METTL22: variants seen among roughly 807,000 people sequenced by gnomAD.
The protein encoded by METTL22 is methyltransferase 22, Kin17 lysine, also known as methyltransferase-like protein 22.
In METTL22, 51 loss-of-function variants were observed where a neutral mutation model predicts 48.4. The ratio of observed to expected loss-of-function variants is 1.05; its 90% CI spans 0.84 to 1.33. The LOEUF is 1.33. Among genes scored for constraint, METTL22 ranks in the 40% most tolerant of loss-of-function variants. METTL22 has a pLI of 0.00. For synonymous variants in METTL22, 255 were observed against 214.1 expected, an observed-to-expected ratio of 1.19 and a Z score of -1.67; for missense variants, 678 against 526.9, an observed-to-expected ratio of 1.29 and a Z score of -2.81.
chr16:8,631,652 G>A (rs1340488363), intron 3 of METTL22: 1 of 152,254 alleles, frequency 6.6e-6, no homozygotes, highest in Non-Finnish European at 1.5e-5. Context: ...GTTCCTGCAG[G>A]TCTAGAGACC....
Position 8,646,499 on chromosome 16 carries a change from T to G in METTL22, c.*356T>G, listed in dbSNP as rs2056803682. 2 of 528,916 alleles carry G rather than the reference T, an allele frequency of 3.8e-6. No individual in the cohort carries two copies. The highest frequency in any genetic ancestry group is 7.3e-6 in the Non-Finnish European group (2 of 274,620). 32.8% of individuals were successfully genotyped at this position (528,916 alleles called of 1,614,324 possible). On this transcript the variant is annotated 3_prime_UTR_variant, in exon 11 of 11. Transcript: ENST00000381920. ...GCCCTGGCTGTGAGGTGGATTCTTGTACTGCCCTCTGTCAGCTGTTTACAG... is the reference window on the plus strand; with the variant it reads ...GCCCTGGCTGTGAGGTGGATTCTTGGACTGCCCTCTGTCAGCTGTTTACAG...
Position 8,644,370 on chromosome 16 carries a change from C to T in METTL22, c.1011-187C>T, listed in dbSNP as rs746807233. 5.3e-6 allele frequency: 3 copies of T among 563,070 alleles called. No homozygotes were observed. In the Admixed American group the frequency reaches 9.1e-5, roughly 17 times the overall value. The allele number at this position is 563,070 out of a possible 1,614,324, so 34.9% of individuals were successfully genotyped here. ...ATCTGTAAAGTGCTATCCACTTCCA[C>T]CTCCTGGGCTGTCGTGCAGATGTAG... is the stretch of plus-strand genomic sequence containing the variant. On this transcript the variant is annotated intron_variant, in intron 9 of 10. Coordinates refer to ENST00000381920, the MANE Select transcript of METTL22 (RefSeq NM_024109.4).
chr16:8,651,348 C>G (rs1370117899), downstream of METTL22, among the ~76,000 whole-genome samples: 1 of 129,462 alleles, frequency 7.7e-6, no homozygotes, highest in Non-Finnish European at 1.6e-5. Flanking sequence ...GATCGAGCCA[C>G]TGCACTCCAG....
downstream of METTL22, among the ~76,000 whole-genome samples, chr16:8,653,737 C>G (rs1430155831): frequency 1.6e-5 from 2 of 126,912 alleles, no homozygotes; most frequent in Non-Finnish European, 3.3e-5. Context: ...ATAGTAAAGC[C>G]TTAATTAACT....
chr16:8,629,192 G>A lies in METTL22; in HGVS notation c.514+82G>A, dbSNP rs943336410. 31 of 1,519,488 alleles carry A rather than the reference G, an allele frequency of 2.0e-5. No individual in the cohort carries two copies. The Admixed American group carries it at 2.4e-4, about 12-fold the overall frequency. The allele number at this position is 1,519,488 out of a possible 1,614,324, so 94.1% of individuals were successfully genotyped here. A position where few individuals can be genotyped will look rare whatever the true frequency, so the allele number is the denominator to read the frequency against. On this transcript the variant is annotated intron_variant, in intron 3 of 10. Transcript: ENST00000381920. ...GCTCAGGGCTCAGTATGATCTGAGC[G>A]TGGACTCTGCAGGCCCAGGCAGCAC...
At chr16:8,659,138 C>A in the METTL22 span, among the ~76,000 whole-genome samples, 44 of 152,256 alleles carry the variant, frequency 2.9e-4, no homozygotes, top group East Asian at 6.8e-3. Flanking sequence ...CGAGACCAGC[C>A]TGGCCAACAT....
At position 8,635,250 on chromosome 16, in the gene METTL22, G is replaced by A; in HGVS notation, c.638G>A (p.Gly213Glu). 1 of 1,608,870 alleles carries A rather than the reference G, an allele frequency of 6.2e-7. No homozygotes were observed. Among genetic ancestry groups the A allele is most frequent in the African/African-American group, 1.3e-5 (1 of 74,972 alleles). ...LFRGCTALEL[G>E]AGTGLASIIA... ...CGAGGATGTACAGCGCTGGAGCTCGGGGCCGGCACGGGGCTCGCTAGCATC... is the reference window on the plus strand; with the variant it reads ...CGAGGATGTACAGCGCTGGAGCTCGAGGCCGGCACGGGGCTCGCTAGCATC... Residue 213 changes from glycine to glutamate, a missense_variant, in exon 5 of 11, where the codon GGG (glycine) becomes GAG (glutamate). Physicochemically the swap from Gly to Glu is moderately conservative, Grantham distance 98. Transcript: ENST00000381920.
chr16:8,642,645 T>C, intron 9 of METTL22, 80 bp downstream of exon 9: 1 of 1,285,422 alleles, frequency 7.8e-7, no homozygotes, highest in Non-Finnish European at 1.1e-6. Flanking sequence ...TCCTTGTCAG[T>C]GTCATTATGA....
chr16:8,642,314 G>A, intron 8 of METTL22, 107 bp downstream of exon 8: 1 of 1,254,610 alleles, frequency 8.0e-7, no homozygotes, highest in South Asian at 1.2e-5. Flanking sequence ...TGACTTTCTG[G>A]TACATGCCAC....
chr16:8,642,002 C>G lies in METTL22; in HGVS notation c.827-125C>G, dbSNP rs770900961. 1.7e-4 allele frequency: 121 copies of G among 726,584 alleles called. 1 individual carries two copies. Among genetic ancestry groups the G allele is most frequent in the Non-Finnish European group, 2.8e-4 (112 of 402,326 alleles). The allele number at this position is 726,584 out of a possible 1,614,324, so 45.0% of individuals were successfully genotyped here. ...AGGGAGTCTGGTCTGCCTGGTGGTG[C>G]CCACTGCACCGAGCTACCCCCAGCC... On this transcript the variant is annotated intron_variant, in intron 7 of 10. Transcript: ENST00000381920.
downstream of METTL22, among the ~76,000 whole-genome samples, chr16:8,652,168 T>G (rs571116455): frequency 6.6e-6 from 1 of 151,950 alleles, no homozygotes; most frequent in Non-Finnish European, 1.5e-5. Context: ...CAGATAAAAG[T>G]GAGATGTAGG....
At chr16:8,641,494 G>T (rs1333428103) in intron 7 of METTL22, 1 of 555,218 alleles carries the variant, frequency 1.8e-6, no homozygotes, top group Non-Finnish European at 3.4e-6. Context: ...CAGGGTAGGG[G>T]CATAGACCCG....
chr16:8,656,961 C>G, the METTL22 span, among the ~76,000 whole-genome samples: 1 of 152,190 alleles, frequency 6.6e-6, no homozygotes, highest in African/African-American at 2.4e-5. Context: ...TTATAAGGAA[C>G]CCACTCCCGA....
At chr16:8,642,085 G>C (rs1284963085) in intron 7 of METTL22, 42 bp from the exon 8 acceptor site, 1 of 1,492,884 alleles carries the variant, frequency 6.7e-7, no homozygotes, top group South Asian at 1.1e-5. Flanking sequence ...GTGGCCAGGA[G>C]AGAAGGCAAT....
rs567699092 is a variant in METTL22, at chr16:8,637,608, G to T, written c.701-1483G>T. 1.7e-4 allele frequency among the ~76,000 whole-genome samples: 26 copies of T among 152,342 alleles called. 1 individual carries two copies. Among genetic ancestry groups the T allele is most frequent in the Admixed American group, 1.4e-3 (21 of 15,308 alleles). Reference sequence around the variant, plus strand: ...TGGCCCAAGGTCATCCACAGCTGCTGATGAGACCCGAGGCCCTTGATGTGG... The same window carrying T: ...TGGCCCAAGGTCATCCACAGCTGCTTATGAGACCCGAGGCCCTTGATGTGG... On this transcript the variant is annotated intron_variant, in intron 5 of 10. Coordinates refer to ENST00000381920, the MANE Select transcript of METTL22 (RefSeq NM_024109.4).
intron 9 of METTL22, among the ~76,000 whole-genome samples, chr16:8,643,570 G>T (rs1301386632): frequency 3.3e-5 from 5 of 152,218 alleles, no homozygotes; most frequent in African/African-American, 1.2e-4. Context: ...GTGGCTGGAA[G>T]TGGACAGTGG....
At chr16:8,659,579 A>C in the METTL22 span, among the ~76,000 whole-genome samples, 1 of 152,212 alleles carries the variant, frequency 6.6e-6, no homozygotes, top group Non-Finnish European at 1.5e-5. Context: ...CAATAAACAA[A>C]TAAATGCAAA....
intron 6 of METTL22, among the ~76,000 whole-genome samples, chr16:8,639,848 A>G (rs899578628): frequency 6.6e-6 from 1 of 151,732 alleles, no homozygotes; most frequent in Admixed American, 6.6e-5. Context: ...TGCTTGTCTC[A>G]TGTTCTTGGG....
the METTL22 span, among the ~76,000 whole-genome samples, chr16:8,664,133 G>A: frequency 1.3e-5 from 2 of 151,172 alleles, no homozygotes; most frequent in Non-Finnish European, 2.9e-5. Flanking sequence ...TGTTTCCCAG[G>A]CTGAAGTGCA....
Sources: gnomAD v4.1 joint callset for allele counts (sites outside exome capture counted in the v4.1 genomes callset) on GRCh38, gnomAD v4.1.1 for gene constraint, MANE v1.5 for transcripts, NCBI Gene and HGNC (gene_info 2026-07-23, HGNC 2026-07-21) for gene names.